Variants in SAMSN1 observed in about 807,000 individuals in gnomAD.
SAMSN1 encodes the protein SAM domain-containing protein SAMSN-1.
In SAMSN1, 31 loss-of-function variants were observed where a neutral mutation model predicts 42.0. The ratio of observed to expected loss-of-function variants is 0.74; its 90% CI spans 0.55 to 1.00. SAMSN1 has a LOEUF of 1.00. SAMSN1 is among the 50% of genes least tolerant of loss of function. SAMSN1 has a pLI of 0.00. For missense variants in SAMSN1, 464 were observed against 439.4 expected (o/e 1.06, Z -0.50); for synonymous variants, 178 against 151.9 (o/e 1.17, Z -1.26).
At chr21:14,579,486 T>G (rs1460215661) in intron 2 of SAMSN1, among the ~76,000 whole-genome samples, 1 of 152,158 alleles carries the variant, frequency 6.6e-6, no homozygotes, top group Admixed American at 6.5e-5. Context: ...GCTTTGGCTA[T>G]AAGAACAGCT....
intron 2 of SAMSN1, among the ~76,000 whole-genome samples, chr21:14,634,779 A>G (rs979851815): frequency 3.9e-5 from 6 of 152,240 alleles, no homozygotes; most frequent in Non-Finnish European, 7.3e-5. Flanking sequence ...ATCTGGAACC[A>G]GAAATACCAT....
intron 1 of SAMSN1, among the ~76,000 whole-genome samples, chr21:14,528,000 T>A (rs1168878520): frequency 1.3e-5 from 2 of 152,170 alleles, no homozygotes; most frequent in Non-Finnish European, 2.9e-5. Context: ...AATATTTTGA[T>A]ATGTTTTAAA....
intron 5 of SAMSN1, among the ~76,000 whole-genome samples, chr21:14,506,559 A>G (rs1288048522): frequency 6.6e-6 from 1 of 152,152 alleles, no homozygotes; most frequent in Non-Finnish European, 1.5e-5. Context: ...TTTTAAAATT[A>G]CCAACAAAAA....
chr21:14,618,428 G>A (rs1480835922), intron 2 of SAMSN1, among the ~76,000 whole-genome samples: 3 of 152,080 alleles, frequency 2.0e-5, no homozygotes, highest in Non-Finnish European at 1.5e-5. Flanking sequence ...CTATTCCCTC[G>A]GTGTTGCCTA....
At chr21:14,509,297 C>T (rs1987570355) in intron 5 of SAMSN1, among the ~76,000 whole-genome samples, 1 of 152,106 alleles carries the variant, frequency 6.6e-6, no homozygotes, top group South Asian at 2.1e-4. Flanking sequence ...TAAAGTAACT[C>T]AGCAATGGAA....
intron 3 of SAMSN1, among the ~76,000 whole-genome samples, chr21:14,515,717 G>T (rs1465976913): frequency 6.6e-6 from 1 of 152,018 alleles, no homozygotes; most frequent in African/African-American, 2.4e-5. Context: ...CAGAATTGGA[G>T]AAAATATATT....
At chr21:14,579,494 G>A (rs1981626564) in intron 2 of SAMSN1, among the ~76,000 whole-genome samples, 1 of 152,080 alleles carries the variant, frequency 6.6e-6, no homozygotes, top group Non-Finnish European at 1.5e-5. Flanking sequence ...TATAAGAACA[G>A]CTAGAAAAAC....
At chr21:14,629,331 A>G (rs1568836864) in intron 2 of SAMSN1, among the ~76,000 whole-genome samples, 1 of 152,204 alleles carries the variant, frequency 6.6e-6, no homozygotes, top group African/African-American at 2.4e-5. Context: ...CCAGCAATTT[A>G]TGACAGCACA....
chr21:14,603,937 C>T (rs956108206), intron 5 of SAMSN1, among the ~76,000 whole-genome samples: 2 of 152,046 alleles, frequency 1.3e-5, no homozygotes, highest in African/African-American at 4.8e-5. Context: ...TACAAATATA[C>T]GGATTTTAAT....
At chr21:14,565,130 A>G (rs1467840279) in intron 2 of SAMSN1, among the ~76,000 whole-genome samples, 2 of 151,904 alleles carry the variant, frequency 1.3e-5, no homozygotes, top group East Asian at 3.9e-4. Flanking sequence ...CCCCATCTCT[A>G]CTTAAAAATA....
At chr21:14,488,550 A>C (rs1986541631) in intron 7 of SAMSN1, among the ~76,000 whole-genome samples, 1 of 152,202 alleles carries the variant, frequency 6.6e-6, no homozygotes, top group Non-Finnish European at 1.5e-5. Context: ...AAAGTAAATA[A>C]ATTAAAAACT....
chr21:14,567,075 C>T (rs1005814220), intron 2 of SAMSN1, among the ~76,000 whole-genome samples: 3 of 152,002 alleles, frequency 2.0e-5, no homozygotes, highest in Non-Finnish European at 4.4e-5. Flanking sequence ...GGGTTGAATG[C>T]TATGCCAGGT....
At chr21:14,588,493 G>C (rs1981990251) in intron 7 of SAMSN1, among the ~76,000 whole-genome samples, 1 of 150,886 alleles carries the variant, frequency 6.6e-6, no homozygotes, top group African/African-American at 2.4e-5. Context: ...TTCTCTGATG[G>C]CCAGTGATGA....
intron 1 of SAMSN1, among the ~76,000 whole-genome samples, chr21:14,545,775 C>T (rs1980352952): frequency 6.6e-6 from 1 of 152,108 alleles, no homozygotes; most frequent in Admixed American, 6.5e-5. Flanking sequence ...ATAACATTTC[C>T]ATTTTACAAC....
intron 2 of SAMSN1, among the ~76,000 whole-genome samples, chr21:14,566,765 TG>T (rs1399057645): frequency 1.3e-5 from 2 of 152,144 alleles, no homozygotes; most frequent in Non-Finnish European, 2.9e-5. Context: ...CTTGAACTCC[TG>T]ATCTCAAGTG....
chr21:14,608,460 A>G (rs1234454128), intron 5 of SAMSN1, among the ~76,000 whole-genome samples: 2 of 152,206 alleles, frequency 1.3e-5, no homozygotes, highest in Non-Finnish European at 2.9e-5. Flanking sequence ...AGTGGGCTGA[A>G]GCACTTTGGG....
chr21:14,653,783 T>A (rs1260110107), intron 1 of SAMSN1, among the ~76,000 whole-genome samples: 1 of 151,866 alleles, frequency 6.6e-6, no homozygotes, highest in East Asian at 1.9e-4. Context: ...ATACCTACTA[T>A]GTACCTACAA....
intron 2 of SAMSN1, among the ~76,000 whole-genome samples, chr21:14,565,167 G>C (rs1211628564): frequency 1.3e-5 from 2 of 151,216 alleles, no homozygotes; most frequent in Non-Finnish European, 2.9e-5. Context: ...ATGGTGGCAT[G>C]TACCTGTAAT....
In SAMSN1 at chr21:14,485,802, T is replaced by C; in HGVS notation, c.*110A>G. 1 of 839,460 alleles carries C rather than the reference T, an allele frequency of 1.2e-6. No individual in the cohort carries two copies. The highest frequency in any genetic ancestry group is 1.9e-6 in the Non-Finnish European group (1 of 521,186). 52.0% of individuals were successfully genotyped at this position (839,460 alleles called of 1,614,324 possible). On this transcript the variant is annotated 3_prime_UTR_variant, in exon 8 of 8. Coordinates refer to ENST00000400566, the MANE Select transcript of SAMSN1 (RefSeq NM_022136.5). ...TTATTCAGATTAAAACATTTAAACT[T>C]TAGGTTTTATTTACAAATATTTATC...
Sources: allele counts gnomAD v4.1 joint callset (sites outside exome capture counted in the v4.1 genomes callset), GRCh38; gene constraint gnomAD v4.1.1; transcripts MANE v1.5; gene names NCBI Gene and HGNC (gene_info 2026-07-23, HGNC 2026-07-21).